The following GRIK2 variants were observed in gnomAD, a reference collection of about 807,000 sequenced individuals.
GRIK2 encodes the protein glutamate receptor ionotropic, kainate 2.
Under a neutral mutation model 100.3 loss-of-function variants are expected in GRIK2, and 32 were observed. The ratio of observed to expected loss-of-function variants is 0.32; its 90% CI spans 0.24 to 0.43. The LOEUF is 0.43. Among genes scored for constraint, GRIK2 ranks in the 20% least tolerant of loss-of-function variants. The probability of loss-of-function intolerance (pLI) is 1.00; values close to 1 mark genes in which losing one functional copy is unlikely to be tolerated. For missense variants in GRIK2, 843 were observed against 1,114.9 expected (o/e 0.76, Z 3.47); for synonymous variants, 417 against 389.4 (o/e 1.07, Z -0.83).
intron 12 of GRIK2, among the ~76,000 whole-genome samples, chr6:101,922,839 C>T (rs1789646400): frequency 6.6e-6 from 1 of 152,124 alleles, no homozygotes; most frequent in African/African-American, 2.4e-5. Flanking sequence ...TTAAAGAACA[C>T]ATTCTTGTAT....
rs1562105394 is a variant in GRIK2, at chr6:102,006,381, TA to T, written c.2086-28959del. On this transcript the variant is annotated intron_variant, in intron 14 of 16. Coordinates refer to ENST00000369134, the MANE Select transcript of GRIK2 (RefSeq NM_021956.5). The stretch of plus-strand genomic sequence containing the variant: ...ATGATAAACCTTTTATATATATATA[TA>T]TATATATATTTTTTTTTTTTTTGAG... Among the ~76,000 whole-genome samples, 171 of 115,448 alleles carry T rather than the reference TA, an allele frequency of 1.5e-3. 1 individual carries two copies. The highest frequency in any genetic ancestry group is 7.9e-3 in the African/African-American group (162 of 20,560). 75.7% of individuals were successfully genotyped at this position (115,448 alleles called of 152,430 possible).
chr6:101,612,741 T>TGTGTGTGTG (rs1779736341), intron 2 of GRIK2, among the ~76,000 whole-genome samples: 1 of 151,354 alleles, frequency 6.6e-6, no homozygotes, highest in African/African-American at 2.4e-5. Context: ...TGTGTGTGTG[T>TGTGTGTGTG]GTGTGTGTGT....
intron 2 of GRIK2, among the ~76,000 whole-genome samples, chr6:101,420,987 G>A (rs1776385192): frequency 6.6e-6 from 1 of 152,154 alleles, no homozygotes; most frequent in Non-Finnish European, 1.5e-5. Flanking sequence ...CAGTGCTCTG[G>A]ACTCAGTGCT....
chr6:101,663,364 C>G (rs139731041), intron 4 of GRIK2, among the ~76,000 whole-genome samples: 28 of 152,142 alleles, frequency 1.8e-4, no homozygotes, highest in African/African-American at 6.3e-4. Context: ...GTGAGAGCGA[C>G]AGTAAGACAG....
At chr6:101,575,700 C>G (rs1403273688) in intron 2 of GRIK2, among the ~76,000 whole-genome samples, 1 of 151,866 alleles carries the variant, frequency 6.6e-6, no homozygotes, top group Non-Finnish European at 1.5e-5. Flanking sequence ...TTTATGAAAA[C>G]CATTAAGCCT....
intron 9 of GRIK2, among the ~76,000 whole-genome samples, chr6:101,812,656 C>T (rs529403594): frequency 6.6e-6 from 1 of 151,988 alleles, no homozygotes; most frequent in Non-Finnish European, 1.5e-5. Flanking sequence ...TTAGTTTTTA[C>T]TAGACAGAGA....
At chr6:101,823,188 A>G (rs1782071381) in intron 10 of GRIK2, among the ~76,000 whole-genome samples, 1 of 152,148 alleles carries the variant, frequency 6.6e-6, no homozygotes, top group Admixed American at 6.6e-5. Context: ...TGGGCAATCA[A>G]GACGGTATAG....
chr6:101,928,288 G>T, intron 13 of GRIK2, 127 bp from the exon 14 acceptor site: 1 of 625,532 alleles, frequency 1.6e-6, no homozygotes, highest in Non-Finnish European at 2.9e-6. Flanking sequence ...GCTTACTAAA[G>T]AAATATGTAA....
At chr6:101,425,767 A>G (rs1044324980) in intron 2 of GRIK2, among the ~76,000 whole-genome samples, 4 of 152,058 alleles carry the variant, frequency 2.6e-5, no homozygotes, top group East Asian at 1.9e-4. Flanking sequence ...AGAATTGTCA[A>G]CTCTGCTCTC....
In GRIK2 at chr6:101,702,424, G is replaced by T. The variant is rs185454036; in HGVS notation, c.951+16071G>T. Among the ~76,000 whole-genome samples, 107 of 151,982 alleles carry T rather than the reference G, an allele frequency of 7.0e-4. 1 individual carries two copies. Among genetic ancestry groups the T allele is most frequent in the African/African-American group, 2.5e-3 (102 of 41,506 alleles). ...ATTTTGAAGTATATATGCCTTAACT[G>T]TTTAACTGGCCAAATGTTAGCTTTG... On this transcript the variant is annotated intron_variant, in intron 7 of 16. Transcript: ENST00000369134.
At chr6:101,423,393 C>T (rs918855616) in intron 2 of GRIK2, among the ~76,000 whole-genome samples, 1 of 152,140 alleles carries the variant, frequency 6.6e-6, no homozygotes, top group Non-Finnish European at 1.5e-5. Flanking sequence ...ATAGCAACAG[C>T]ACCATTTTAC....
At chr6:101,888,252 G>A (rs1786795596) in intron 11 of GRIK2, among the ~76,000 whole-genome samples, 1 of 151,978 alleles carries the variant, frequency 6.6e-6, no homozygotes, top group Non-Finnish European at 1.5e-5. Context: ...TTTATATCCT[G>A]GTTCCAATGA....
At chr6:101,627,654 G>A (rs1780525745) in intron 4 of GRIK2, among the ~76,000 whole-genome samples, 1 of 152,102 alleles carries the variant, frequency 6.6e-6, no homozygotes, top group Non-Finnish European at 1.5e-5. Flanking sequence ...CTCATATGTG[G>A]AACAATATAA....
chr6:101,410,447 G>T (rs1016689640), intron 2 of GRIK2, among the ~76,000 whole-genome samples: 22 of 151,968 alleles, frequency 1.4e-4, no homozygotes, highest in Non-Finnish European at 8.8e-5. Context: ...TTTTAAGGTA[G>T]AACAGATTTT....
rs562199916 is a variant in GRIK2, at chr6:101,736,518, C to A, written c.951+50165C>A. ...CAGGCTTAACACCACATGGAAGCTG[C>A]CAAGGCTTGGGGCTTGCACCCTCTG... On this transcript the variant is annotated intron_variant, in intron 7 of 16. Transcript: ENST00000369134. Among the ~76,000 whole-genome samples, 38 of 152,288 alleles carry A rather than the reference C, an allele frequency of 2.5e-4. No homozygotes were observed. The South Asian group carries it at 7.7e-3, about 31-fold the overall frequency.
intron 2 of GRIK2, among the ~76,000 whole-genome samples, chr6:101,551,364 A>G (rs911479032): frequency 3.9e-5 from 6 of 152,088 alleles, no homozygotes; most frequent in African/African-American, 1.4e-4. Context: ...TTATATTTGA[A>G]TGCCATTCTA....
rs1430462416 is a variant in GRIK2 at position 101,408,455 on chromosome 6, G to A, written c.115+9063G>A. 2.0e-5 allele frequency among the ~76,000 whole-genome samples: 3 copies of A among 151,960 alleles called. No homozygotes were observed. In the South Asian group the frequency reaches 6.2e-4, roughly 32 times the overall value. Reference sequence around the variant, plus strand: ...TGGCTTACATGATTATGGTATTATGGATGCTAAGAAGTCCTAAGATCTGCA... The same window carrying A: ...TGGCTTACATGATTATGGTATTATGAATGCTAAGAAGTCCTAAGATCTGCA... On this transcript the variant is annotated intron_variant, in intron 2 of 16. Coordinates refer to ENST00000369134, the MANE Select transcript of GRIK2 (RefSeq NM_021956.5).
chr6:101,574,684 C>T (rs523420), intron 2 of GRIK2, among the ~76,000 whole-genome samples: 29,130 of 151,374 alleles, frequency 0.19, 4,950 homozygotes, highest in African/African-American at 0.46. Flanking sequence ...GAATGCTACT[C>T]TAAGTATTAT....
intron 7 of GRIK2, among the ~76,000 whole-genome samples, chr6:101,740,114 G>C (rs1480445400): frequency 6.6e-6 from 1 of 152,146 alleles, no homozygotes; most frequent in Non-Finnish European, 1.5e-5. Context: ...AAGTTAAGTT[G>C]GAGTCTAAAT....
Sources: allele counts gnomAD v4.1 joint callset (sites outside exome capture counted in the v4.1 genomes callset), GRCh38; gene constraint gnomAD v4.1.1; transcripts MANE v1.5; gene names NCBI Gene and HGNC (gene_info 2026-07-23, HGNC 2026-07-21).